Variants in PXK observed in about 807,000 individuals in gnomAD.
PXK encodes the protein PX domain-containing protein kinase-like protein.
A neutral mutation model predicts 84.7 loss-of-function variants in PXK; 35 were observed. The observed-to-expected ratio is 0.41, with a 90% confidence interval of 0.32 to 0.55. The LOEUF is 0.55. PXK is among the 20% of genes least tolerant of loss of function. The pLI is 0.21. For synonymous variants in PXK, 253 were observed against 260.8 expected, an observed-to-expected ratio of 0.97 and a Z score of 0.29; for missense variants, 634 against 699.7, an observed-to-expected ratio of 0.91 and a Z score of 1.06.
chr3:58,346,430 G>A (rs2097821424), intron 1 of PXK, among the ~76,000 whole-genome samples: 1 of 152,058 alleles, frequency 6.6e-6, no homozygotes, highest in Non-Finnish European at 1.5e-5. Flanking sequence ...AGTCTGCCAA[G>A]TAGAGGCCAC....
rs537544757 is a variant in PXK at position 58,382,569 on chromosome 3, G to C, written c.257G>C (p.Arg86Pro). ...AAAAAATTGATTGGTAACATGGATC[G>C]TGAATTCATAGCTGAAAGGCAGAAA... ...PPKKLIGNMD[R>P]EFIAERQKGL... The change falls in exon 4 of 18, where the codon CGT becomes CCT. Residue 86 changes from arginine to proline, a missense_variant. By Grantham distance (103) the Arg-to-Pro change is moderately radical. Coordinates refer to ENST00000356151, the MANE Select transcript of PXK (RefSeq NM_017771.5). 6.2e-7 allele frequency: 1 copy of C among 1,601,296 alleles called. No individual in the cohort carries two copies. The highest frequency in any genetic ancestry group is 1.4e-5 in the African/African-American group (1 of 73,586).
intron 7 of PXK, 68 bp from the exon 8 acceptor site, chr3:58,394,930 A>T (rs1047333836): frequency 4.2e-6 from 5 of 1,203,278 alleles, no homozygotes; most frequent in Non-Finnish European, 6.2e-6. Flanking sequence ...CTGCATAACC[A>T]GATCCTGTAT....
chr3:58,406,655 C>T (rs547985160), intron 13 of PXK, among the ~76,000 whole-genome samples: 1 of 152,238 alleles, frequency 6.6e-6, no homozygotes, highest in South Asian at 2.1e-4. Context: ...TGTTAACTAT[C>T]TTCACATTAT....
chr3:58,360,660 C>T (rs565832069), intron 1 of PXK, among the ~76,000 whole-genome samples: 176 of 151,850 alleles, frequency 1.2e-3, no homozygotes, highest in African/African-American at 3.9e-3. Flanking sequence ...GGTGAAACAC[C>T]GTCTCTACAA....
At chr3:58,422,579 G>A (rs1450191624) in intron 17 of PXK, 27 of 985,318 alleles carry the variant, frequency 2.7e-5, no homozygotes, top group Non-Finnish European at 3.1e-5. Flanking sequence ...TACTTGGACA[G>A]TGGAAAATCC....
chr3:58,365,942 T>TC lies in PXK; in HGVS notation c.153+18_153+19insC. The stretch of plus-strand genomic sequence containing the variant: ...GCTGGCAGGTAAGCATCTTTTTTTT[T>TC]TTTTTTGTCAATTAGAAAAATATTT... On this transcript the variant is annotated intron_variant, in intron 2 of 17. Coordinates refer to ENST00000356151, the MANE Select transcript of PXK (RefSeq NM_017771.5). 1 of 1,571,130 alleles carries TC rather than the reference T, an allele frequency of 6.4e-7. No individual in the cohort carries two copies. The highest frequency in any genetic ancestry group is 8.6e-7 in the Non-Finnish European group (1 of 1,161,680).
chr3:58,423,099 A>C (rs1345584286), intron 17 of PXK: 2 of 985,326 alleles, frequency 2.0e-6, no homozygotes, highest in Admixed American at 1.2e-4. Flanking sequence ...CAAGAGACTC[A>C]GTTCCAAAAA....
intron 1 of PXK, among the ~76,000 whole-genome samples, chr3:58,340,009 G>A (rs1415232710): frequency 2.6e-5 from 4 of 151,854 alleles, no homozygotes; most frequent in African/African-American, 9.7e-5. Context: ...GTAGAGACGG[G>A]GTTTCACCAT....
intron 17 of PXK, chr3:58,422,998 T>C: frequency 1.0e-6 from 1 of 985,402 alleles, no homozygotes; most frequent in Non-Finnish European, 1.2e-6. Context: ...TTTCTGGCTA[T>C]TGGGTGGGAG....
chr3:58,367,243 T>C (rs1392542836), intron 2 of PXK, among the ~76,000 whole-genome samples: 3 of 151,532 alleles, frequency 2.0e-5, no homozygotes, highest in African/African-American at 7.3e-5. Flanking sequence ...ATTTATTTAA[T>C]AAAAGCTTTT....
intron 1 of PXK, among the ~76,000 whole-genome samples, chr3:58,356,910 T>C (rs2098092417): frequency 6.6e-6 from 1 of 151,748 alleles, no homozygotes. Flanking sequence ...CTCTTTTTTT[T>C]TTTTTGTTCA....
At chr3:58,339,895 A>G (rs921166747) in intron 1 of PXK, among the ~76,000 whole-genome samples, 2 of 151,202 alleles carry the variant, frequency 1.3e-5, no homozygotes, top group Non-Finnish European at 2.9e-5. Flanking sequence ...GCTCACTGCA[A>G]CCTCCACCTC....
intron 3 of PXK, among the ~76,000 whole-genome samples, chr3:58,374,195 A>G (rs1362019477): frequency 7.3e-6 from 1 of 136,594 alleles, no homozygotes; most frequent in Non-Finnish European, 1.6e-5. Flanking sequence ...GTTTTGAGAC[A>G]GTCTCACTCT....
chr3:58,375,624 C>G (rs1281219399), intron 3 of PXK, among the ~76,000 whole-genome samples: 2 of 152,208 alleles, frequency 1.3e-5, no homozygotes, highest in Non-Finnish European at 2.9e-5. Context: ...CTCTCCATGT[C>G]TACGTGGATT....
Position 58,409,269 on chromosome 3 carries a change from T to G in PXK, c.1309-263T>G, listed in dbSNP as rs2059836106. 6.6e-6 allele frequency among the ~76,000 whole-genome samples: 1 copy of G among 152,154 alleles called. No homozygotes were observed. The highest frequency in any genetic ancestry group is 1.5e-5 in the Non-Finnish European group (1 of 68,038). On this transcript the variant is annotated intron_variant, in intron 14 of 17. Transcript: ENST00000356151. This position sits in a 1 kb window ranked among gnomAD's most constrained non-coding sequence, Gnocchi z 4.2. ...TGCCGGCCGGTGATAGTTGCGGGCA[T>G]GCATGGTCCATGCTGTCTCACCACA...
chr3:58,410,338 C>A (rs934407491), intron 16 of PXK, among the ~76,000 whole-genome samples, 179 bp downstream of exon 16: 1 of 152,356 alleles, frequency 6.6e-6, no homozygotes, highest in South Asian at 2.1e-4. Context: ...AGGCTTACAG[C>A]ACTCAAATGC....
intron 1 of PXK, among the ~76,000 whole-genome samples, chr3:58,348,128 T>A (rs2097854956): frequency 6.6e-6 from 1 of 152,180 alleles, no homozygotes; most frequent in Non-Finnish European, 1.5e-5. Context: ...CAGGCTGGTC[T>A]TGAACTCTGA....
At position 58,424,927 on chromosome 3, in the gene PXK, A is replaced by C; in HGVS notation, c.1704A>C (p.Lys568Asn). Residue 568 changes from lysine (K) to asparagine (N), a missense_variant, in exon 18 of 18, where the codon AAA becomes AAC. By Grantham distance (94) the Lys-to-Asn change is moderately conservative. Transcript: ENST00000356151. ...NFQKGTLRKA[K>N]TCDHSAPKIG Reference sequence around the variant, plus strand: ...AAAAAGGAACTTTGAGGAAAGCCAAAACCTGTGATCACAGTGCTCCGAAGA... The same window carrying C: ...AAAAAGGAACTTTGAGGAAAGCCAACACCTGTGATCACAGTGCTCCGAAGA... The C allele has an allele frequency of 6.2e-7, 1 of 1,614,148 alleles. No homozygotes were observed. Among genetic ancestry groups the C allele is most frequent in the Non-Finnish European group, 8.5e-7 (1 of 1,180,036 alleles).
At chr3:58,363,357 G>T (rs2098220129) in intron 1 of PXK, among the ~76,000 whole-genome samples, 1 of 152,052 alleles carries the variant, frequency 6.6e-6, no homozygotes, top group Admixed American at 6.6e-5. Context: ...TAATGACTGG[G>T]TCTCTCTCTT....
Sources: allele counts gnomAD v4.1 joint callset (sites outside exome capture counted in the v4.1 genomes callset), GRCh38; gene constraint gnomAD v4.1.1; non-coding constraint Gnocchi (gnomAD v3.1); transcripts MANE v1.5; gene names NCBI Gene and HGNC (gene_info 2026-07-23, HGNC 2026-07-21).